PRR16: variants seen among roughly 807,000 people sequenced by gnomAD.
PRR16 encodes protein Largen.
A neutral mutation model predicts 18.2 loss-of-function variants in PRR16; 6 were observed. That is an observed-to-expected ratio of 0.33 (90% CI 0.18 to 0.65). The LOEUF (loss-of-function observed/expected upper bound fraction) is 0.65, where lower values mean the gene tolerates loss of function less well. PRR16 is among the 30% of genes least tolerant of loss of function. The pLI, the probability that PRR16 is intolerant of heterozygous loss-of-function variation, is 0.74. For missense variants in PRR16, 412 were observed against 376.6 expected, an observed-to-expected ratio of 1.09 and a Z score of -0.78; for synonymous variants, 151 against 147.8, an observed-to-expected ratio of 1.02 and a Z score of -0.16.
At chr5:120,553,528 G>A (rs151206538) in intron 1 of PRR16, among the ~76,000 whole-genome samples, 161 of 151,960 alleles carry the variant, frequency 1.1e-3, no homozygotes, top group Non-Finnish European at 1.4e-3. Flanking sequence ...CAAGGTATTT[G>A]TAAGATCATT....
chr5:120,672,280 G>GTA (rs1336190081), intron 1 of PRR16, among the ~76,000 whole-genome samples: 1 of 134,214 alleles, frequency 7.5e-6, no homozygotes, highest in Non-Finnish European at 1.6e-5. Context: ...GTGTGTGTGT[G>GTA]TTGTGGGGGG....
intron 1 of PRR16, among the ~76,000 whole-genome samples, chr5:120,574,934 C>G (rs1226738262): frequency 6.7e-6 from 1 of 148,608 alleles, no homozygotes; most frequent in Non-Finnish European, 1.5e-5. Context: ...AGCAGTCTCC[C>G]CTTATACACA....
intron 1 of PRR16, among the ~76,000 whole-genome samples, chr5:120,611,782 C>G (rs1469370716): frequency 6.6e-6 from 1 of 152,156 alleles, no homozygotes; most frequent in African/African-American, 2.4e-5. Flanking sequence ...GGAGTTGGAG[C>G]CCCCCACACA....
the PRR16 span, among the ~76,000 whole-genome samples, chr5:120,786,088 G>GTT: frequency 6.1e-4 from 84 of 136,768 alleles, no homozygotes; most frequent in South Asian, 1.8e-3. Context: ...GAAAGCTTTT[G>GTT]TTTTTTTTTT....
At chr5:120,521,445 A>C (rs887251896) in intron 1 of PRR16, among the ~76,000 whole-genome samples, 2 of 152,092 alleles carry the variant, frequency 1.3e-5, no homozygotes, top group African/African-American at 4.8e-5. Context: ...GTATATGTAT[A>C]AGATTAGAAC....
intron 1 of PRR16, among the ~76,000 whole-genome samples, chr5:120,646,056 A>ATATATATATATATATATT (rs1353648219): frequency 6.8e-5 from 4 of 59,150 alleles, no homozygotes; most frequent in Non-Finnish European, 2.4e-4. Flanking sequence ...TTTTATATAT[A>ATATATATATATATATATT]TATATATATA....
At chr5:120,769,482 CTT>C in the PRR16 span, among the ~76,000 whole-genome samples, 10 of 151,868 alleles carry the variant, frequency 6.6e-5, no homozygotes, top group African/African-American at 2.4e-4. Context: ...ACAACTGAAA[CTT>C]TATACCCTAC....
At chr5:120,483,099 A>G (rs573455444) in intron 1 of PRR16, among the ~76,000 whole-genome samples, 3 of 152,284 alleles carry the variant, frequency 2.0e-5, no homozygotes, top group South Asian at 2.1e-4. Context: ...AACATGGTAT[A>G]TTCTCCAGTG....
chr5:120,505,078 C>A (rs1487279034), intron 1 of PRR16, among the ~76,000 whole-genome samples: 6 of 152,230 alleles, frequency 3.9e-5, no homozygotes, highest in African/African-American at 1.2e-4. Context: ...CAAAATAATA[C>A]TAAAAAAGAA....
intron 1 of PRR16, among the ~76,000 whole-genome samples, chr5:120,565,567 T>C (rs1752711173): frequency 1.3e-5 from 2 of 152,320 alleles, no homozygotes; most frequent in South Asian, 2.1e-4. Context: ...GGAAAAATCA[T>C]ACATAATTGA....
intron 1 of PRR16, among the ~76,000 whole-genome samples, chr5:120,473,630 C>A (rs1447879543): frequency 6.6e-6 from 1 of 152,072 alleles, no homozygotes; most frequent in African/African-American, 2.4e-5. Context: ...TTTGTCTGAG[C>A]CCCTTTATTC....
At chr5:120,785,310 A>G in the PRR16 span, among the ~76,000 whole-genome samples, 1 of 152,268 alleles carries the variant, frequency 6.6e-6, no homozygotes, top group African/African-American at 2.4e-5. Context: ...TTAGGTCCCA[A>G]ATAGGAATCA....
At chr5:120,623,551 G>C (rs184554280) in intron 1 of PRR16, among the ~76,000 whole-genome samples, 85 of 152,152 alleles carry the variant, frequency 5.6e-4, no homozygotes, top group African/African-American at 2.0e-3. Flanking sequence ...TTATGCCGTT[G>C]TTTTGAGCAT....
rs72798432 is a variant in PRR16 at position 120,680,366 on chromosome 5, G to A, written c.160-5588G>A. On this transcript the variant is annotated intron_variant, in intron 1 of 1. Transcript: ENST00000407149. Reference sequence around the variant, plus strand: ...AAAATATTCAACATTAGGTTTTTGAGATTTATCCCTGCTGATACATATAGA... The same window carrying A: ...AAAATATTCAACATTAGGTTTTTGAAATTTATCCCTGCTGATACATATAGA... Among the ~76,000 whole-genome samples the A allele has an allele frequency of 9.3e-3, 1,421 of 152,096 alleles. 12 individuals are homozygous for A. The highest frequency in any genetic ancestry group is 0.018 in the Admixed American group (277 of 15,280).
the PRR16 span, among the ~76,000 whole-genome samples, chr5:120,740,027 C>A: frequency 6.6e-6 from 1 of 151,914 alleles, no homozygotes; most frequent in Non-Finnish European, 1.5e-5. Context: ...CCTCTAGGAC[C>A]CCGGACTATT....
At chr5:120,729,968 A>C in the PRR16 span, among the ~76,000 whole-genome samples, 2 of 152,164 alleles carry the variant, frequency 1.3e-5, no homozygotes, top group Non-Finnish European at 2.9e-5. Context: ...CAAAAATGCC[A>C]AGGAAATGGA....
chr5:120,693,953 A>G, the PRR16 span, among the ~76,000 whole-genome samples: 2 of 152,168 alleles, frequency 1.3e-5, no homozygotes, highest in Non-Finnish European at 2.9e-5. Flanking sequence ...CACACATTTT[A>G]TTTCTAAATA....
intron 1 of PRR16, 51 bp downstream of exon 1, chr5:120,464,696 G>T (rs1302271558): frequency 2.7e-6 from 4 of 1,459,996 alleles, no homozygotes; most frequent in Non-Finnish European, 3.6e-6. Flanking sequence ...GACCCCTCCG[G>T]GGTCCCCTTT....
intron 1 of PRR16, among the ~76,000 whole-genome samples, chr5:120,673,281 G>C (rs192923231): frequency 2.0e-5 from 3 of 152,182 alleles, no homozygotes; most frequent in Non-Finnish European, 4.4e-5. Context: ...ATTTCGGCAT[G>C]TGCCAATTAG....
Sources: allele counts gnomAD v4.1 joint callset (sites outside exome capture counted in the v4.1 genomes callset), GRCh38; gene constraint gnomAD v4.1.1; transcripts MANE v1.5; gene names NCBI Gene and HGNC (gene_info 2026-07-23, HGNC 2026-07-21).